The following COL24A1 variants were observed in gnomAD, a reference collection of about 807,000 sequenced individuals.
COL24A1 encodes the protein collagen alpha-1(XXIV) chain.
COL24A1 carries 224 observed loss-of-function variants against 253.9 expected under a neutral mutation model. The observed-to-expected ratio is 0.88, with a 90% CI of 0.79 to 0.99. The LOEUF is 0.99. Among genes scored for constraint, COL24A1 ranks in the 50% least tolerant of loss-of-function variants. COL24A1 has a pLI of 0.00. For synonymous variants in COL24A1, 685 were observed against 673.7 expected, an observed-to-expected ratio of 1.02 and a Z score of -0.26; for missense variants, 2,131 against 2,068.5, an observed-to-expected ratio of 1.03 and a Z score of -0.59.
At chr1:85,869,067 T>C (rs12029238) in intron 35 of COL24A1, among the ~76,000 whole-genome samples, 62,477 of 151,896 alleles carry the variant, frequency 0.41, 13,348 homozygotes, top group South Asian at 0.59. Context: ...ATAAGATGAT[T>C]CCAGAATATT....
chr1:85,925,003 T>C (rs1687018450), intron 24 of COL24A1, among the ~76,000 whole-genome samples: 1 of 152,180 alleles, frequency 6.6e-6, no homozygotes. Flanking sequence ...TGTGCAAATA[T>C]CACAAGCATT....
chr1:86,003,900 G>T (rs1695681947), intron 19 of COL24A1, among the ~76,000 whole-genome samples: 1 of 152,274 alleles, frequency 6.6e-6, no homozygotes, highest in Non-Finnish European at 1.5e-5. Context: ...CATATACCAT[G>T]AAGGAGGTTA....
At chr1:86,007,598 T>C (rs1696093600) in intron 19 of COL24A1, among the ~76,000 whole-genome samples, 1 of 152,178 alleles carries the variant, frequency 6.6e-6, no homozygotes, top group Admixed American at 6.5e-5. Context: ...AACTGTGGTA[T>C]ATCCAGACAA....
chr1:85,771,179 T>C (rs1667918789), intron 53 of COL24A1, among the ~76,000 whole-genome samples: 1 of 152,160 alleles, frequency 6.6e-6, no homozygotes, highest in Non-Finnish European at 1.5e-5. Flanking sequence ...GGTATATTCG[T>C]GCCATGGTGG....
chr1:86,080,593 A>C (rs11585276), intron 7 of COL24A1, among the ~76,000 whole-genome samples: 22,530 of 151,934 alleles, frequency 0.15, 1,801 homozygotes, highest in Middle Eastern at 0.21. Context: ...ATAATAAATA[A>C]ATAAATTGCC....
intron 58 of COL24A1, among the ~76,000 whole-genome samples, chr1:85,735,799 A>C (rs748587091): frequency 3.8e-4 from 58 of 152,126 alleles, no homozygotes; most frequent in Non-Finnish European, 6.9e-4. Flanking sequence ...GTCATAATGT[A>C]AGTGAACAGA....
chr1:85,838,232 C>T (rs1367816511), intron 43 of COL24A1, among the ~76,000 whole-genome samples: 2 of 151,814 alleles, frequency 1.3e-5, no homozygotes, highest in Non-Finnish European at 2.9e-5. Context: ...AAACAATAAA[C>T]AAGGAAACAA....
At chr1:85,910,695 A>G (rs1319001328) in intron 25 of COL24A1, among the ~76,000 whole-genome samples, 2 of 152,006 alleles carry the variant, frequency 1.3e-5, no homozygotes, top group African/African-American at 4.8e-5. Context: ...AGTAATTGAG[A>G]ATGTAGTACA....
At chr1:85,820,852 C>T (rs912311237) in intron 45 of COL24A1, among the ~76,000 whole-genome samples, 1 of 152,132 alleles carries the variant, frequency 6.6e-6, no homozygotes, top group African/African-American at 2.4e-5. Flanking sequence ...TCACAGACTA[C>T]TAGAGAAAGC....
At chr1:86,151,973 G>A (rs1033319827) in intron 1 of COL24A1, among the ~76,000 whole-genome samples, 22 of 152,108 alleles carry the variant, frequency 1.4e-4, no homozygotes, top group African/African-American at 5.1e-4. Flanking sequence ...TTTCCACCAC[G>A]CTACGTTTAC....
chr1:85,992,627 A>G (rs186900466), intron 19 of COL24A1, among the ~76,000 whole-genome samples: 1 of 152,312 alleles, frequency 6.6e-6, no homozygotes, highest in East Asian at 1.9e-4. Flanking sequence ...ATTAGAGTCC[A>G]TACTTTTCAT....
intron 7 of COL24A1, among the ~76,000 whole-genome samples, chr1:86,071,005 A>G (rs1701836978): frequency 6.6e-6 from 1 of 152,312 alleles, no homozygotes; most frequent in African/African-American, 2.4e-5. Flanking sequence ...TAAATGAAAA[A>G]CCAATAAAAA....
chr1:86,104,662 ACTC>A (rs1430015776), intron 5 of COL24A1, among the ~76,000 whole-genome samples: 1 of 151,564 alleles, frequency 6.6e-6, no homozygotes, highest in Non-Finnish European at 1.5e-5. Context: ...TCAACTCACA[ACTC>A]CTGGACTACA....
intron 10 of COL24A1, among the ~76,000 whole-genome samples, chr1:86,051,929 G>A (rs1018009213): frequency 6.6e-6 from 1 of 152,048 alleles, no homozygotes; most frequent in Admixed American, 6.6e-5. Context: ...ATCATGGCAG[G>A]GAGTTGGGAG....
chr1:86,020,346 G>A (rs776331186), intron 18 of COL24A1, among the ~76,000 whole-genome samples: 7 of 152,060 alleles, frequency 4.6e-5, no homozygotes, highest in Non-Finnish European at 7.4e-5. Flanking sequence ...GATTACAGGC[G>A]TGAGCCACCG....
chr1:85,985,400 T>C (rs190437624), intron 20 of COL24A1, among the ~76,000 whole-genome samples: 2 of 151,920 alleles, frequency 1.3e-5, no homozygotes, highest in Non-Finnish European at 3.0e-5. Context: ...AACTACAGAA[T>C]TATACAGAGA....
chr1:85,835,129 A>G (rs1386214836), intron 43 of COL24A1, among the ~76,000 whole-genome samples: 1 of 151,832 alleles, frequency 6.6e-6, no homozygotes, highest in Non-Finnish European at 1.5e-5. Flanking sequence ...ACATATATAT[A>G]TATATTTTTT....
At chr1:85,981,826 T>C (rs905164789) in intron 20 of COL24A1, among the ~76,000 whole-genome samples, 1 of 152,180 alleles carries the variant, frequency 6.6e-6, no homozygotes, top group Admixed American at 6.5e-5. Context: ...GGGCTAAAAA[T>C]TGGAGAAAGG....
intron 35 of COL24A1, among the ~76,000 whole-genome samples, chr1:85,870,960 T>C (rs1307496047): frequency 6.6e-6 from 1 of 151,464 alleles, no homozygotes; most frequent in Non-Finnish European, 1.5e-5. Context: ...GCAATACTAA[T>C]AAAGAAGAAA....
Sources: gnomAD v4.1 joint callset for allele counts (sites outside exome capture counted in the v4.1 genomes callset) on GRCh38, gnomAD v4.1.1 for gene constraint, MANE v1.5 for transcripts, NCBI Gene and HGNC (gene_info 2026-07-23, HGNC 2026-07-21) for gene names.